Variants in SCFD2 observed in about 807,000 individuals in gnomAD.
The protein encoded by SCFD2 is sec1 family domain containing 2, also known as sec1 family domain-containing protein 2.
SCFD2 carries 54 observed loss-of-function variants against 58.9 expected under a neutral mutation model. That is an observed-to-expected ratio of 0.92 (90% CI 0.74 to 1.15). The LOEUF (loss-of-function observed/expected upper bound fraction) is 1.15. Ranked by LOEUF, SCFD2 falls within the 50% of genes most tolerant of loss-of-function variation. The probability of loss-of-function intolerance (pLI) is 0.00; values close to 1 mark genes in which losing one functional copy is unlikely to be tolerated. For synonymous variants in SCFD2, 321 were observed against 335.9 expected (o/e 0.96, Z 0.49); for missense variants, 805 against 836.6 (o/e 0.96, Z 0.47).
At chr4:53,343,446 TTG>T (rs1733950828) in intron 2 of SCFD2, among the ~76,000 whole-genome samples, 2 of 152,086 alleles carry the variant, frequency 1.3e-5, no homozygotes, top group South Asian at 4.1e-4. Context: ...GGTTCTGAAA[TTG>T]AGGCAATAAT....
intron 4 of SCFD2, among the ~76,000 whole-genome samples, chr4:53,157,938 T>A (rs1488094101): frequency 2.0e-5 from 3 of 152,206 alleles, no homozygotes; most frequent in African/African-American, 7.2e-5. Context: ...AAACTTAATG[T>A]TCATGTAAAT....
At chr4:53,025,984 T>C (rs527359645) in intron 5 of SCFD2, among the ~76,000 whole-genome samples, 4 of 152,314 alleles carry the variant, frequency 2.6e-5, no homozygotes, top group African/African-American at 4.8e-5. Context: ...AACATGGATA[T>C]GTAAATGACT....
chr4:53,285,436 A>G (rs1391840250), intron 3 of SCFD2, among the ~76,000 whole-genome samples: 1 of 152,050 alleles, frequency 6.6e-6, no homozygotes, highest in African/African-American at 2.4e-5. Flanking sequence ...CCTTCTCCCC[A>G]TATCATTCTC....
chr4:53,215,654 T>C (rs1043851595), intron 4 of SCFD2, among the ~76,000 whole-genome samples: 31 of 152,120 alleles, frequency 2.0e-4, no homozygotes, highest in Non-Finnish European at 3.8e-4. Flanking sequence ...TCCTGCCTGA[T>C]TGTCCTAGCC....
intron 5 of SCFD2, among the ~76,000 whole-genome samples, chr4:53,129,563 T>C (rs912071669): frequency 6.6e-6 from 1 of 152,188 alleles, no homozygotes; most frequent in Non-Finnish European, 1.5e-5. Context: ...TTGCATCTCT[T>C]TCAATATTTT....
At chr4:53,184,188 A>T (rs1727672390) in intron 4 of SCFD2, among the ~76,000 whole-genome samples, 1 of 152,130 alleles carries the variant, frequency 6.6e-6, no homozygotes, top group African/African-American at 2.4e-5. Flanking sequence ...TTAGTAACAT[A>T]ACCACCCGTT....
chr4:53,076,403 A>G (rs1283244296), intron 5 of SCFD2, among the ~76,000 whole-genome samples: 13 of 152,158 alleles, frequency 8.5e-5, no homozygotes, highest in Non-Finnish European at 1.8e-4. Flanking sequence ...CCCATCTGCT[A>G]TGGAAACATG....
chr4:53,236,807 GT>G (rs1729628463), intron 4 of SCFD2, among the ~76,000 whole-genome samples: 2 of 129,652 alleles, frequency 1.5e-5, no homozygotes, highest in South Asian at 2.5e-4. Context: ...TAAAGTCACT[GT>G]TTTATTTATT....
intron 2 of SCFD2, among the ~76,000 whole-genome samples, chr4:53,329,037 C>A (rs1056850674): frequency 6.6e-6 from 1 of 152,160 alleles, no homozygotes; most frequent in African/African-American, 2.4e-5. Flanking sequence ...CTTTTCGGAC[C>A]GGGTTAAAAA....
intron 5 of SCFD2, among the ~76,000 whole-genome samples, chr4:53,047,629 T>A (rs937848844): frequency 6.6e-6 from 1 of 152,200 alleles, no homozygotes; most frequent in African/African-American, 2.4e-5. Flanking sequence ...CTGACATGCA[T>A]GTTACACCGT....
intron 3 of SCFD2, among the ~76,000 whole-genome samples, chr4:53,283,992 G>A (rs1267226119): frequency 1.3e-5 from 2 of 151,362 alleles, no homozygotes; most frequent in African/African-American, 2.4e-5. Context: ...GGTGGCGGGC[G>A]CCTGTAGTCC....
intron 5 of SCFD2, among the ~76,000 whole-genome samples, chr4:53,020,073 T>C (rs1300679157): frequency 1.3e-5 from 2 of 152,198 alleles, no homozygotes; most frequent in African/African-American, 4.8e-5. Flanking sequence ...CTAAAACCAT[T>C]AGCAACCAGC....
chr4:53,233,661 C>T (rs537020460), intron 4 of SCFD2, among the ~76,000 whole-genome samples: 82 of 152,252 alleles, frequency 5.4e-4, no homozygotes, highest in African/African-American at 1.9e-3. Flanking sequence ...CCAAATCTGG[C>T]CATATGCCTA....
At chr4:53,183,786 T>A (rs1727657547) in intron 4 of SCFD2, among the ~76,000 whole-genome samples, 1 of 152,182 alleles carries the variant, frequency 6.6e-6, no homozygotes, top group Admixed American at 6.6e-5. Context: ...TGATGGAAAC[T>A]ACTTAACAGT....
chr4:53,324,075 G>A (rs1288061536), intron 2 of SCFD2, among the ~76,000 whole-genome samples: 1 of 152,062 alleles, frequency 6.6e-6, no homozygotes, highest in Non-Finnish European at 1.5e-5. Flanking sequence ...AAACCTTGTG[G>A]ACTAGAAGCA....
Position 53,120,887 on chromosome 4 carries a change from A to G in SCFD2, c.1561+24446T>C, listed in dbSNP as rs36109566. ...GTCATCCAAACTCTTTGTGTACTTAAAGAGTGTCATTAATATTCCCAAACT... is the reference window on the plus strand; with the variant it reads ...GTCATCCAAACTCTTTGTGTACTTAGAGAGTGTCATTAATATTCCCAAACT... On this transcript the variant is annotated intron_variant, in intron 5 of 8. Transcript: ENST00000401642. Among the ~76,000 whole-genome samples the G allele has an allele frequency of 1.9e-3, 285 of 152,318 alleles. 1 individual carries two copies. Among genetic ancestry groups the G allele is most frequent in the Non-Finnish European group, 2.0e-3 (137 of 68,016 alleles).
chr4:53,354,028 A>T (rs916072991), intron 1 of SCFD2, among the ~76,000 whole-genome samples: 1 of 152,260 alleles, frequency 6.6e-6, no homozygotes, highest in Non-Finnish European at 1.5e-5. Context: ...CGCCTAGTGG[A>T]TCACGCGCCA....
At chr4:53,215,980 T>A (rs1370070653) in intron 4 of SCFD2, among the ~76,000 whole-genome samples, 1 of 152,224 alleles carries the variant, frequency 6.6e-6, no homozygotes, top group African/African-American at 2.4e-5. Context: ...CAGCCTTGCA[T>A]CCCAGGGATG....
chr4:53,284,012 G>A lies in SCFD2; in HGVS notation c.1136-10011C>T, dbSNP rs200932903. Among the ~76,000 whole-genome samples the A allele has an allele frequency of 5.3e-4, 80 of 151,146 alleles. 1 individual carries two copies. Among genetic ancestry groups the A allele is most frequent in the Admixed American group, 4.7e-3 (72 of 15,178 alleles). The stretch of plus-strand genomic sequence containing the variant: ...CGGGCGCCTGTAGTCCCAGCTACTC[G>A]GGAGGCTGAGGCAGGAGAATGGCAT... On this transcript the variant is annotated intron_variant, in intron 3 of 8. Transcript: ENST00000401642.
Sources: gnomAD v4.1 joint callset for allele counts (sites outside exome capture counted in the v4.1 genomes callset) on GRCh38, gnomAD v4.1.1 for gene constraint, MANE v1.5 for transcripts, NCBI Gene and HGNC (gene_info 2026-07-23, HGNC 2026-07-21) for gene names.